C12orf75: variants seen among roughly 807,000 people sequenced by gnomAD.
C12orf75 encodes the protein chromosome 12 open reading frame 75.
A neutral mutation model predicts 11.4 loss-of-function variants in C12orf75; 4 were observed. The ratio of observed to expected loss-of-function variants is 0.35; its 90% CI spans 0.17 to 0.80. The LOEUF is 0.80. Among genes scored for constraint, C12orf75 ranks in the 30% least tolerant of loss-of-function variants. The pLI is 0.52. For synonymous variants in C12orf75, 30 were observed against 30.0 expected, an observed-to-expected ratio of 1.00 and a Z score of 0.00; for missense variants, 89 against 80.4, an observed-to-expected ratio of 1.11 and a Z score of -0.41.
rs575666205 is a variant in C12orf75, at chr12:105,359,496, C to G, written c.72-6311C>G. ...TAGCAGTGGATTATTACTGGCTGGGCGCAGTGGCTCACACCTGTAATCTCA... is the reference window on the plus strand; with the variant it reads ...TAGCAGTGGATTATTACTGGCTGGGGGCAGTGGCTCACACCTGTAATCTCA... On this transcript the variant is annotated intron_variant, in intron 2 of 5. Transcript: ENST00000443585. Among the ~76,000 whole-genome samples the G allele has an allele frequency of 3.0e-4, 46 of 152,164 alleles. 1 individual carries two copies. In the South Asian group the frequency reaches 9.2e-3, roughly 30 times the overall value.
chr12:105,335,411 A>G (rs1892487829), intron 1 of C12orf75, among the ~76,000 whole-genome samples: 1 of 152,210 alleles, frequency 6.6e-6, no homozygotes, highest in South Asian at 2.1e-4. Context: ...AAAATAATAC[A>G]AAATTTTGTT....
In C12orf75 at chr12:105,334,786, A is replaced by G. The variant is rs1592875259; in HGVS notation, c.46+3849A>G. Among the ~76,000 whole-genome samples the G allele has an allele frequency of 3.3e-5, 5 of 152,316 alleles. 1 individual carries two copies. Among genetic ancestry groups the G allele is most frequent in the Admixed American group, 3.3e-4 (5 of 15,308 alleles). Reference sequence around the variant, plus strand: ...TCCGGACTAGGCAGAGAAATGACCAACCTTGCATTCTGAGTTAATGATGTC... The same window carrying G: ...TCCGGACTAGGCAGAGAAATGACCAGCCTTGCATTCTGAGTTAATGATGTC... On this transcript the variant is annotated intron_variant, in intron 1 of 5. Coordinates refer to ENST00000443585, the MANE Select transcript of C12orf75 (RefSeq NM_001145199.2).
chr12:105,352,497 A>G (rs191993640), intron 2 of C12orf75, among the ~76,000 whole-genome samples: 3 of 152,378 alleles, frequency 2.0e-5, no homozygotes, highest in East Asian at 1.9e-4. Flanking sequence ...TTATTATTCT[A>G]CCACCAGAGA....
At chr12:105,346,583 T>C (rs998164082) in intron 1 of C12orf75, among the ~76,000 whole-genome samples, 1 of 152,236 alleles carries the variant, frequency 6.6e-6, no homozygotes, top group Non-Finnish European at 1.5e-5. Context: ...GTTTACATAA[T>C]GTATCATTTT....
At chr12:105,350,096 A>AAT (rs1281850894) in intron 2 of C12orf75, among the ~76,000 whole-genome samples, 2 of 152,122 alleles carry the variant, frequency 1.3e-5, no homozygotes. Context: ...TGAATACTGC[A>AAT]CCCTGACCGT....
chr12:105,331,207 C>T (rs1327914446), intron 1 of C12orf75, among the ~76,000 whole-genome samples: 1 of 151,914 alleles, frequency 6.6e-6, no homozygotes, highest in East Asian at 1.9e-4. Flanking sequence ...GCCGCCGGGG[C>T]TCACCTGCAG....
chr12:105,350,006 G>C (rs1326328434), intron 2 of C12orf75, among the ~76,000 whole-genome samples: 2 of 152,202 alleles, frequency 1.3e-5, no homozygotes, highest in African/African-American at 2.4e-5. Flanking sequence ...TAGGACTTTA[G>C]ATACAAAGGA....
intron 2 of C12orf75, among the ~76,000 whole-genome samples, chr12:105,354,518 A>G (rs993813116): frequency 3.3e-5 from 5 of 152,332 alleles, no homozygotes; most frequent in African/African-American, 1.2e-4. Context: ...CAAATACAGT[A>G]TATTTAATAT....
intron 2 of C12orf75, among the ~76,000 whole-genome samples, chr12:105,354,264 A>G (rs374787133): frequency 6.6e-6 from 1 of 152,180 alleles, no homozygotes; most frequent in African/African-American, 2.4e-5. Flanking sequence ...CCTTAGTATA[A>G]TTATCTGTGA....
At chr12:105,356,303 A>G (rs1173995462) in intron 2 of C12orf75, among the ~76,000 whole-genome samples, 1 of 152,170 alleles carries the variant, frequency 6.6e-6, no homozygotes, top group Non-Finnish European at 1.5e-5. Flanking sequence ...GAAGGTTATC[A>G]TGAATGGTAA....
At chr12:105,331,469 T>C (rs1392220495) in intron 1 of C12orf75, among the ~76,000 whole-genome samples, 1 of 152,112 alleles carries the variant, frequency 6.6e-6, no homozygotes, top group African/African-American at 2.4e-5. Context: ...TGTGTCTGCC[T>C]TGATGCCGAA....
intron 2 of C12orf75, among the ~76,000 whole-genome samples, chr12:105,357,778 C>CTGTGTGTG (rs67643973): frequency 0.064 from 8,820 of 136,934 alleles, 326 homozygotes; most frequent in Non-Finnish European, 0.083. Context: ...AATGTATTTT[C>CTGTGTGTG]TGTGTGTGTG....
chr12:105,334,656 A>G (rs1372343507), intron 1 of C12orf75, among the ~76,000 whole-genome samples: 1 of 152,236 alleles, frequency 6.6e-6, no homozygotes, highest in African/African-American at 2.4e-5. Context: ...TTCATTTTAA[A>G]GTGTCACATT....
At chr12:105,363,399 A>G (rs1207837772) in intron 2 of C12orf75, among the ~76,000 whole-genome samples, 1 of 152,222 alleles carries the variant, frequency 6.6e-6, no homozygotes, top group Non-Finnish European at 1.5e-5. Flanking sequence ...TGAGTATGCA[A>G]AGACAGGCTT....
chr12:105,338,759 A>ACGACC (rs1892528091), intron 1 of C12orf75, among the ~76,000 whole-genome samples: 1 of 152,074 alleles, frequency 6.6e-6, no homozygotes, highest in Non-Finnish European at 1.5e-5. Context: ...GCTCTTGCTA[A>ACGACC]TGACCAGCCA....
chr12:105,336,952 T>C (rs1184833562), intron 1 of C12orf75, among the ~76,000 whole-genome samples: 1 of 152,186 alleles, frequency 6.6e-6, no homozygotes, highest in African/African-American at 2.4e-5. Context: ...CTCCCCAGAA[T>C]TGATGGCATC....
At chr12:105,339,866 C>A (rs916306870) in intron 1 of C12orf75, among the ~76,000 whole-genome samples, 1 of 151,984 alleles carries the variant, frequency 6.6e-6, no homozygotes, top group Non-Finnish European at 1.5e-5. Context: ...GTGATCCACC[C>A]ACCTCAGCCT....
Position 105,367,467 on chromosome 12 carries a change from T to C in C12orf75, c.188-5T>C. 1 of 840,348 alleles carries C rather than the reference T, an allele frequency of 1.2e-6. No individual in the cohort carries two copies. The highest frequency in any genetic ancestry group is 3.0e-5 in the East Asian group (1 of 33,866). The allele number at this position is 840,348 out of a possible 1,614,324, so 52.1% of individuals were successfully genotyped here. On this transcript the variant is annotated splice_polypyrimidine_tract_variant and splice_region_variant and intron_variant, in intron 4 of 5. Transcript: ENST00000443585. ...CATTTAACTTTTCTTAATTTTCTCT[T>C]TAAGATTAGAAGAAAATAACATCAT...
At position 105,367,458 on chromosome 12, in the gene C12orf75, A is replaced by C; in HGVS notation, c.188-14A>C. 1.2e-6 allele frequency: 1 copy of C among 822,640 alleles called. No homozygotes were observed. The allele number at this position is 822,640 out of a possible 1,614,324, so 51.0% of individuals were successfully genotyped here. On this transcript the variant is annotated splice_polypyrimidine_tract_variant and intron_variant, in intron 4 of 5. Coordinates refer to ENST00000443585, the MANE Select transcript of C12orf75 (RefSeq NM_001145199.2). ...TAATCTGAACATTTAACTTTTCTTA[A>C]TTTTCTCTTTAAGATTAGAAGAAAA...
Sources: gnomAD v4.1 joint callset for allele counts (sites outside exome capture counted in the v4.1 genomes callset) on GRCh38, gnomAD v4.1.1 for gene constraint, MANE v1.5 for transcripts, NCBI Gene and HGNC (gene_info 2026-07-23, HGNC 2026-07-21) for gene names.